Variants in KCTD9 observed in about 807,000 individuals in gnomAD.
The protein encoded by KCTD9 is BTB/POZ domain-containing protein KCTD9.
In KCTD9, 17 loss-of-function variants were observed where a neutral mutation model predicts 53.3. The observed-to-expected ratio is 0.32, with a 90% CI of 0.22 to 0.48. KCTD9 has a LOEUF of 0.48. Ranked by LOEUF, KCTD9 falls within the 20% of genes least tolerant of loss-of-function variation. The probability of loss-of-function intolerance (pLI) is 0.99; values close to 1 mark genes in which losing one functional copy is unlikely to be tolerated. For missense variants in KCTD9, 179 were observed against 465.5 expected, an observed-to-expected ratio of 0.38 and a Z score of 5.66; for synonymous variants, 128 against 162.7, an observed-to-expected ratio of 0.79 and a Z score of 1.62.
At chr8:25,443,189 T>C (rs1378691908) in intron 3 of KCTD9, among the ~76,000 whole-genome samples, 3 of 152,032 alleles carry the variant, frequency 2.0e-5, no homozygotes, top group Non-Finnish European at 2.9e-5. Flanking sequence ...ATGAACCCAA[T>C]AGCGAAGAGC....
At chr8:25,458,118 C>T in intron 1 of KCTD9, 81 bp downstream of exon 1, 1 of 1,390,794 alleles carries the variant, frequency 7.2e-7, no homozygotes. Flanking sequence ...CCCAACTTCA[C>T]CGCTGCCCCG....
In KCTD9 at chr8:25,429,692, G is replaced by A. The variant is rs1268143852; in HGVS notation, c.*165C>T. The A allele has an allele frequency of 7.2e-6, 4 of 557,074 alleles. No homozygotes were observed. Among genetic ancestry groups the A allele is most frequent in the Non-Finnish European group, 3.3e-6 (1 of 300,990 alleles). 34.5% of individuals were successfully genotyped at this position (557,074 alleles called of 1,614,324 possible). ...AAATCAGAATATGGAAAAAAAGTCA[G>A]TTTTTTCCCTTATGCACCACTCAAA... On this transcript the variant is annotated 3_prime_UTR_variant, in exon 12 of 12. Coordinates refer to ENST00000221200, the MANE Select transcript of KCTD9 (RefSeq NM_017634.4).
intron 1 of KCTD9, among the ~76,000 whole-genome samples, chr8:25,451,280 A>C (rs1802314792): frequency 6.6e-6 from 1 of 152,230 alleles, no homozygotes; most frequent in African/African-American, 2.4e-5. Flanking sequence ...AAGATGATTA[A>C]GTTACGGAGA....
At chr8:25,439,480 T>C in intron 5 of KCTD9, 73 bp from the exon 6 acceptor site, 3 of 1,565,008 alleles carry the variant, frequency 1.9e-6, no homozygotes, top group Admixed American at 3.9e-5. Flanking sequence ...AGGAAAAAAT[T>C]GCTAAATATA....
chr8:25,440,854 C>G (rs1802108618), intron 3 of KCTD9, among the ~76,000 whole-genome samples, 181 bp from the exon 4 acceptor site: 1 of 152,162 alleles, frequency 6.6e-6, no homozygotes. Flanking sequence ...GGTAGTCCCA[C>G]CAATACCAAC....
intron 8 of KCTD9, among the ~76,000 whole-genome samples, chr8:25,435,992 A>C (rs1487440713): frequency 6.6e-6 from 1 of 152,196 alleles, no homozygotes; most frequent in African/African-American, 2.4e-5. Flanking sequence ...AAACTGCTGC[A>C]ATTTCTATGC....
intron 9 of KCTD9, among the ~76,000 whole-genome samples, chr8:25,434,208 T>C (rs1164830354): frequency 2.0e-5 from 3 of 152,200 alleles, no homozygotes; most frequent in Non-Finnish European, 4.4e-5. Context: ...CAAGTGATTC[T>C]CGTGCCTCAG....
At chr8:25,445,396 T>C (rs750114702) in intron 2 of KCTD9, among the ~76,000 whole-genome samples, 14 of 152,122 alleles carry the variant, frequency 9.2e-5, no homozygotes, top group Admixed American at 2.0e-4. Context: ...TACAGAGACT[T>C]TGTATATCAT....
intron 4 of KCTD9, 117 bp downstream of exon 4, chr8:25,440,460 C>T: frequency 1.4e-6 from 1 of 732,698 alleles, no homozygotes; most frequent in South Asian, 1.7e-5. Flanking sequence ...TTTCAGATCA[C>T]ATAGTATATT....
chr8:25,435,325 A>G (rs1213015407), intron 9 of KCTD9, 38 bp downstream of exon 9: 1 of 1,470,710 alleles, frequency 6.8e-7, no homozygotes, highest in East Asian at 2.5e-5. Flanking sequence ...AATAGACTAA[A>G]CATTTAATTT....
chr8:25,440,100 C>A (rs1358629126), intron 4 of KCTD9, among the ~76,000 whole-genome samples: 3 of 149,802 alleles, frequency 2.0e-5, no homozygotes, highest in Non-Finnish European at 4.4e-5. Context: ...ACTCTGTCAC[C>A]CAGGCTGGAG....
At chr8:25,435,974 CT>C (rs1337033268) in intron 8 of KCTD9, among the ~76,000 whole-genome samples, 1 of 152,146 alleles carries the variant, frequency 6.6e-6, no homozygotes, top group African/African-American at 2.4e-5. Context: ...CAAATACTGA[CT>C]TTTAAAAAAC....
intron 1 of KCTD9, among the ~76,000 whole-genome samples, chr8:25,452,216 TA>T (rs201205368): frequency 6.6e-6 from 1 of 151,834 alleles, no homozygotes; most frequent in African/African-American, 2.4e-5. Flanking sequence ...TGAGATAATT[TA>T]AAAAAAAGAT....
chr8:25,443,627 A>C (rs1424903010), intron 3 of KCTD9, among the ~76,000 whole-genome samples: 1 of 152,216 alleles, frequency 6.6e-6, no homozygotes, highest in Non-Finnish European at 1.5e-5. Flanking sequence ...AAGAGTATGC[A>C]CTTACTTCTA....
rs1801887380 is a variant in KCTD9, at chr8:25,429,233, T to G, written c.*624A>C. ...CCACTCTGTCTCAATCAGTAAGAACTGGATATTACTTTAATTTAGCTACTG... is the reference window on the plus strand; with the variant it reads ...CCACTCTGTCTCAATCAGTAAGAACGGGATATTACTTTAATTTAGCTACTG... On this transcript the variant is annotated 3_prime_UTR_variant, in exon 12 of 12. Transcript: ENST00000221200. 6.6e-6 allele frequency: 1 copy of G among 152,590 alleles called. No individual in the cohort carries two copies. The highest frequency in any genetic ancestry group is 2.4e-5 in the African/African-American group (1 of 41,448). 9.5% of individuals were successfully genotyped at this position (152,590 alleles called of 1,614,324 possible). A position where few individuals can be genotyped will look rare whatever the true frequency, so the allele number is the denominator to read the frequency against.
At chr8:25,439,463 A>T in intron 5 of KCTD9, 56 bp from the exon 6 acceptor site, 2 of 1,572,052 alleles carry the variant, frequency 1.3e-6, no homozygotes, top group Non-Finnish European at 1.7e-6. Flanking sequence ...AAAGTCAGAA[A>T]TGTATGAGGA....
At chr8:25,438,412 C>A (rs1163171037) in intron 6 of KCTD9, among the ~76,000 whole-genome samples, 1 of 151,480 alleles carries the variant, frequency 6.6e-6, no homozygotes, top group Non-Finnish European at 1.5e-5. Flanking sequence ...AAACTGTAAG[C>A]CAGCAGTCCT....
chr8:25,446,299 C>A (rs571040713), intron 1 of KCTD9, 49 bp from the exon 2 acceptor site: 1 of 1,594,104 alleles, frequency 6.3e-7, no homozygotes, highest in East Asian at 2.2e-5. Context: ...TACATGTTAT[C>A]CCCCATAAGT....
intron 1 of KCTD9, among the ~76,000 whole-genome samples, chr8:25,451,239 A>G (rs1278901533): frequency 2.0e-5 from 3 of 152,246 alleles, no homozygotes; most frequent in South Asian, 2.1e-4. Context: ...TAAAATATAT[A>G]TATCAACATA....
Sources: gnomAD v4.1 joint callset for allele counts (sites outside exome capture counted in the v4.1 genomes callset) on GRCh38, gnomAD v4.1.1 for gene constraint, MANE v1.5 for transcripts, NCBI Gene and HGNC (gene_info 2026-07-23, HGNC 2026-07-21) for gene names.